The following PCDHA6 variants were observed in gnomAD, a reference collection of about 807,000 sequenced individuals.
PCDHA6 encodes protocadherin alpha 6, also known as protocadherin alpha-6.
PCDHA6 carries 55 observed loss-of-function variants against 60.3 expected under a neutral mutation model. The ratio of observed to expected loss-of-function variants is 0.91; its 90% confidence interval spans 0.73 to 1.14. The LOEUF is 1.14. Ranked by LOEUF, PCDHA6 falls within the 50% of genes most tolerant of loss-of-function variation. The pLI is 0.00. For synonymous variants in PCDHA6, 652 were observed against 557.9 expected (o/e 1.17, Z -2.38); for missense variants, 1,327 against 1,256.5 (o/e 1.06, Z -0.85).
intron 1 of PCDHA6, chr5:140,882,138 T>C: frequency 6.7e-7 from 1 of 1,489,248 alleles, no homozygotes; most frequent in South Asian, 1.4e-5. Context: ...CTGCAGAAAA[T>C]ATAGCAGAAA....
chr5:140,870,206 T>G (rs1554163904), intron 1 of PCDHA6: 2 of 1,614,182 alleles, frequency 1.2e-6, no homozygotes, highest in Admixed American at 3.3e-5. Flanking sequence ...AGCACGGTCA[T>G]TGCCCTGATC....
chr5:140,887,632 G>T (rs1554183131), intron 1 of PCDHA6, among the ~76,000 whole-genome samples: 1 of 151,834 alleles, frequency 6.6e-6, no homozygotes, highest in Admixed American at 6.6e-5. Context: ...ATGTTAGTCT[G>T]TTGGGGTTTG....
At chr5:140,849,620 C>A (rs2040998983) in intron 1 of PCDHA6, 1 of 1,598,622 alleles carries the variant, frequency 6.3e-7, no homozygotes, top group Non-Finnish European at 8.6e-7. Context: ...TTAGTGTGAT[C>A]GACCTAGACG....
intron 1 of PCDHA6, chr5:140,848,263 A>C: frequency 2.1e-6 from 1 of 484,676 alleles, no homozygotes; most frequent in Non-Finnish European, 3.6e-6. Context: ...TGAAATTTTT[A>C]TTCATGAAAT....
In PCDHA6 at chr5:140,850,723, G is replaced by A; in HGVS notation, c.2394+20238G>A. ...GGCAAGCCGACGCTGGTGTGTTCTA[G>A]CGCGGTGGGGAGTTGGTCGTACTCG... On this transcript the variant is annotated intron_variant, in intron 1 of 3. Coordinates refer to ENST00000529310, the MANE Select transcript of PCDHA6 (RefSeq NM_018909.4). 17 of 1,598,038 alleles carry A rather than the reference G, an allele frequency of 1.1e-5. 1 individual carries two copies. The highest frequency in any genetic ancestry group is 1.5e-5 in the Non-Finnish European group (17 of 1,167,660).
intron 1 of PCDHA6, chr5:140,841,259 G>GA: frequency 6.6e-7 from 1 of 1,517,710 alleles, no homozygotes; most frequent in East Asian, 2.3e-5. Flanking sequence ...AAAAGACTCT[G>GA]AAAGTACAGT....
intron 1 of PCDHA6, among the ~76,000 whole-genome samples, chr5:140,903,138 A>T (rs188809018): frequency 6.6e-6 from 1 of 152,258 alleles, no homozygotes; most frequent in East Asian, 1.9e-4. Context: ...AAATCTCCAA[A>T]CTGTTTTCCA....
chr5:140,968,132 A>G, intron 1 of PCDHA6: 1 of 1,614,082 alleles, frequency 6.2e-7, no homozygotes, highest in Non-Finnish European at 8.5e-7. Flanking sequence ...GCGTACACTG[A>G]AGGTTGAGAT....
At chr5:140,968,756 G>T in intron 1 of PCDHA6, 1 of 1,614,202 alleles carries the variant, frequency 6.2e-7, no homozygotes, top group Non-Finnish European at 8.5e-7. Flanking sequence ...GGTGGTCCGA[G>T]ATAATGGAGA....
intron 1 of PCDHA6, chr5:140,847,744 C>T (rs1554141887): frequency 6.7e-6 from 1 of 149,678 alleles, no homozygotes; most frequent in Non-Finnish European, 1.5e-5. Flanking sequence ...ATTTTCTCCC[C>T]ACGCAACACA....
chr5:140,969,314 G>A (rs200006206), intron 1 of PCDHA6: 2 of 1,614,032 alleles, frequency 1.2e-6, no homozygotes, highest in Non-Finnish European at 1.7e-6. Context: ...CAAAAATGAG[G>A]CTGTTTCTCA....
intron 1 of PCDHA6, among the ~76,000 whole-genome samples, chr5:140,975,119 A>C (rs2096654213): frequency 6.6e-6 from 1 of 152,038 alleles, no homozygotes; most frequent in African/African-American, 2.4e-5. Context: ...CTGTTTTCCT[A>C]CTTACTATTG....
intron 1 of PCDHA6, among the ~76,000 whole-genome samples, chr5:140,874,303 C>T (rs1299985366): frequency 6.6e-6 from 1 of 152,088 alleles, no homozygotes. Flanking sequence ...TACTTGTTCA[C>T]AATGAGTTGT....
At chr5:140,835,480 G>A (rs1343566248) in intron 1 of PCDHA6, 1 of 1,613,772 alleles carries the variant, frequency 6.2e-7, no homozygotes, top group Non-Finnish European at 8.5e-7. Flanking sequence ...GCCCAACCAG[G>A]TACCGTCATC....
intron 1 of PCDHA6, chr5:140,856,230 G>C (rs17844339): frequency 1.3e-6 from 2 of 1,597,950 alleles, no homozygotes; most frequent in African/African-American, 1.3e-5. Flanking sequence ...CTGGTGCAGC[G>C]CCTGTTCCGG....
chr5:140,876,723 C>T (rs782820769), intron 1 of PCDHA6: 2 of 1,614,130 alleles, frequency 1.2e-6, no homozygotes, highest in African/African-American at 1.3e-5. Flanking sequence ...ACCGCGAGAG[C>T]GTGTCGGCCT....
chr5:140,877,172 C>T, intron 1 of PCDHA6: 2 of 1,613,816 alleles, frequency 1.2e-6, no homozygotes, highest in Non-Finnish European at 1.7e-6. Flanking sequence ...GCACTGCTGG[C>T]GACTCCGGCT....
Position 140,917,327 on chromosome 5 carries a change from G to A in PCDHA6, c.2395-61622G>A, listed in dbSNP as rs1219338384. ...TTACAATTTGGTGTTCATGTGGCGG[G>A]GGAGGGGGGGGATGGTGTAGGCTTC... On this transcript the variant is annotated intron_variant, in intron 1 of 3. Coordinates refer to ENST00000529310, the MANE Select transcript of PCDHA6 (RefSeq NM_018909.4). Among the ~76,000 whole-genome samples, 73 of 149,528 alleles carry A rather than the reference G, an allele frequency of 4.9e-4. 3 individuals carry two copies. Among genetic ancestry groups the A allele is most frequent in the African/African-American group, 1.3e-3 (54 of 40,384 alleles).
chr5:140,926,495 T>G (rs1033428952), intron 1 of PCDHA6: 3 of 181,806 alleles, frequency 1.7e-5, no homozygotes, highest in Non-Finnish European at 3.4e-5. Flanking sequence ...TGTTAGTGTC[T>G]CGGGGCGTCT....
Sources: gnomAD v4.1 joint callset for allele counts (sites outside exome capture counted in the v4.1 genomes callset) on GRCh38, gnomAD v4.1.1 for gene constraint, MANE v1.5 for transcripts, NCBI Gene and HGNC (gene_info 2026-07-23, HGNC 2026-07-21) for gene names.